The following UIMC1 variants were observed in gnomAD, a reference collection of about 807,000 sequenced individuals.
UIMC1 encodes ubiquitin interaction motif containing 1, also known as BRCA1-A complex subunit RAP80.
A neutral mutation model predicts 84.9 loss-of-function variants in UIMC1; 42 were observed. The ratio of observed to expected loss-of-function variants is 0.49; its 90% CI spans 0.39 to 0.64. The LOEUF is 0.64. UIMC1 is among the 30% of genes least tolerant of loss of function. The pLI is 0.00. For missense variants in UIMC1, 825 were observed against 847.6 expected (o/e 0.97, Z 0.33); for synonymous variants, 281 against 293.0 (o/e 0.96, Z 0.42).
chr5:176,996,016 TA>T (rs781407983), intron 1 of UIMC1, among the ~76,000 whole-genome samples: 9 of 152,048 alleles, frequency 5.9e-5, no homozygotes, highest in Non-Finnish European at 7.4e-5. Context: ...GCCTTAGTCA[TA>T]AGGGACAAAA....
chr5:176,955,905 A>G, intron 8 of UIMC1, 54 bp downstream of exon 8: 1 of 1,558,788 alleles, frequency 6.4e-7, no homozygotes, highest in South Asian at 1.1e-5. Context: ...ATTAATAGGC[A>G]TGAAAAGGTA....
chr5:176,953,489 G>GACAC (rs1347190087), intron 8 of UIMC1, among the ~76,000 whole-genome samples: 56 of 82,648 alleles, frequency 6.8e-4, no homozygotes, highest in African/African-American at 5.7e-3. Flanking sequence ...TTGAAAACTG[G>GACAC]ACACATACAC....
intron 10 of UIMC1, among the ~76,000 whole-genome samples, chr5:176,941,105 T>A (rs1201319403): frequency 6.6e-6 from 1 of 152,226 alleles, no homozygotes; most frequent in Non-Finnish European, 1.5e-5. Flanking sequence ...ACGCAGTAAC[T>A]TGAAGCATTT....
At chr5:176,950,095 CCTTT>C (rs1464509595) in intron 9 of UIMC1, among the ~76,000 whole-genome samples, 2 of 142,460 alleles carry the variant, frequency 1.4e-5, no homozygotes, top group East Asian at 4.0e-4. Flanking sequence ...TAAAAAGGAA[CCTTT>C]CTTTTTTTTT....
At chr5:177,003,889 CATG>C (rs775960187) in intron 1 of UIMC1, among the ~76,000 whole-genome samples, 24 of 152,142 alleles carry the variant, frequency 1.6e-4, no homozygotes, top group Non-Finnish European at 2.5e-4. Flanking sequence ...AGTGCAGTGG[CATG>C]ATAATAGCTC....
At chr5:176,933,646 C>T (rs1763381737) in intron 10 of UIMC1, among the ~76,000 whole-genome samples, 1 of 151,948 alleles carries the variant, frequency 6.6e-6, no homozygotes, top group African/African-American at 2.4e-5. Flanking sequence ...AAGTGATCTT[C>T]CCACCTCAGC....
upstream of UIMC1, among the ~76,000 whole-genome samples, chr5:177,010,438 C>T (rs1775521834): frequency 6.6e-6 from 1 of 152,102 alleles, no homozygotes. Flanking sequence ...CACACATATT[C>T]TTATGCAAAT....
chr5:176,987,605 C>G (rs1343305684), intron 1 of UIMC1, among the ~76,000 whole-genome samples: 3 of 152,000 alleles, frequency 2.0e-5, no homozygotes, highest in Non-Finnish European at 4.4e-5. Flanking sequence ...GAGCCAAGAC[C>G]ACACCACTGC....
At chr5:176,934,384 T>C (rs1763474771) in intron 10 of UIMC1, among the ~76,000 whole-genome samples, 1 of 152,096 alleles carries the variant, frequency 6.6e-6, no homozygotes, top group African/African-American at 2.4e-5. Context: ...GGAGTCAGAG[T>C]AAGCAGTCAT....
At chr5:176,921,751 C>A (rs953633785) in intron 10 of UIMC1, among the ~76,000 whole-genome samples, 1 of 152,176 alleles carries the variant, frequency 6.6e-6, no homozygotes, top group Admixed American at 6.5e-5. Flanking sequence ...TCCCCTCCAC[C>A]CCTGCTTAGT....
intron 1 of UIMC1, among the ~76,000 whole-genome samples, chr5:177,003,863 C>G (rs1774895266): frequency 6.6e-6 from 1 of 152,120 alleles, no homozygotes; most frequent in Non-Finnish European, 1.5e-5. Flanking sequence ...TGAGACAAGG[C>G]CTCACTCTGT....
intron 6 of UIMC1, among the ~76,000 whole-genome samples, chr5:176,966,605 A>C (rs1768342729): frequency 1.3e-5 from 2 of 152,174 alleles, no homozygotes; most frequent in African/African-American, 4.8e-5. Flanking sequence ...AGTTTATATT[A>C]TTGCTTTATA....
At chr5:177,022,574 G>C (rs570371572) in exon 1 of UIMC1, 4 of 666,532 alleles carry the variant, frequency 6.0e-6, no homozygotes, top group South Asian at 2.1e-5. Flanking sequence ...CACGCTCTGA[G>C]GTACCAGAGG....
At chr5:177,020,497 C>A (rs1258054272) in intron 1 of UIMC1, among the ~76,000 whole-genome samples, 5 of 152,220 alleles carry the variant, frequency 3.3e-5, no homozygotes, top group African/African-American at 1.2e-4. Context: ...GTGGCACGAT[C>A]TCGGCTCACT....
Position 176,992,466 on chromosome 5 carries a change from A to G in UIMC1, c.-8-9843T>C, listed in dbSNP as rs539507583. Among the ~76,000 whole-genome samples the G allele has an allele frequency of 4.3e-3, 653 of 151,280 alleles. 4 individuals are homozygous for G. Among genetic ancestry groups the G allele is most frequent in the Non-Finnish European group, 7.8e-3 (528 of 67,750 alleles). On this transcript the variant is annotated intron_variant, in intron 1 of 14. Coordinates refer to ENST00000511320, the MANE Select transcript of UIMC1 (RefSeq NM_001199298.2). ...ATAGTGAGACCCTGTCTCAGTTTAAAAAAAAAAAAAGGTGACTAAGTAAAT... is the reference window on the plus strand; with the variant it reads ...ATAGTGAGACCCTGTCTCAGTTTAAGAAAAAAAAAAGGTGACTAAGTAAAT...
At chr5:177,015,255 C>T (rs1005850796) in intron 1 of UIMC1, among the ~76,000 whole-genome samples, 1 of 152,176 alleles carries the variant, frequency 6.6e-6, no homozygotes, top group African/African-American at 2.4e-5. Context: ...AGCAGCCTCA[C>T]AAATGTTAAG....
chr5:176,924,396 C>T (rs1762128696), intron 10 of UIMC1, among the ~76,000 whole-genome samples: 1 of 151,720 alleles, frequency 6.6e-6, no homozygotes, highest in Non-Finnish European at 1.5e-5. Context: ...TACCTGCTAC[C>T]TGACTTTAAG....
At position 176,985,872 on chromosome 5, in the gene UIMC1, C is replaced by T. The variant is rs535357220; in HGVS notation, c.-8-3249G>A. On this transcript the variant is annotated intron_variant, in intron 1 of 14. Coordinates refer to ENST00000511320, the MANE Select transcript of UIMC1 (RefSeq NM_001199298.2). ...GCCTCAACCTGATAAAGGACTTCTA[C>T]AAAAATCCCATAACTAATAAGCTAA... Among the ~76,000 whole-genome samples the T allele has an allele frequency of 1.6e-4, 25 of 152,238 alleles. No homozygotes were observed. In the South Asian group the frequency reaches 2.7e-3, roughly 16 times the overall value.
chr5:176,919,057 T>C (rs1761384385), intron 10 of UIMC1: 2 of 203,502 alleles, frequency 9.8e-6, no homozygotes, highest in Non-Finnish European at 2.1e-5. Context: ...AACTCTAATA[T>C]CCATTCCGAT....
Sources: allele counts gnomAD v4.1 joint callset (sites outside exome capture counted in the v4.1 genomes callset), GRCh38; gene constraint gnomAD v4.1.1; transcripts MANE v1.5; gene names NCBI Gene and HGNC (gene_info 2026-07-23, HGNC 2026-07-21).